The following ALDH2 variants were observed in gnomAD, a reference collection of about 807,000 sequenced individuals.
ALDH2 encodes the protein aldehyde dehydrogenase, mitochondrial.
In ALDH2, 44 loss-of-function variants were observed where a neutral mutation model predicts 59.6. The ratio of observed to expected loss-of-function variants is 0.74; its 90% CI spans 0.58 to 0.95. ALDH2 has a LOEUF of 0.95. Ranked by LOEUF, ALDH2 falls within the 40% of genes least tolerant of loss-of-function variation. The pLI, the probability that ALDH2 is intolerant of heterozygous loss-of-function variation, is 0.00. For synonymous variants in ALDH2, 291 were observed against 284.0 expected (o/e 1.02, Z -0.25); for missense variants, 570 against 696.3 (o/e 0.82, Z 2.04).
In ALDH2 at chr12:111,815,282, C is replaced by G. The variant is rs1484263019; in HGVS notation, c.*5707C>G. 6.6e-6 allele frequency: 1 copy of G among 152,192 alleles called. No homozygotes were observed. The highest frequency in any genetic ancestry group is 1.5e-5 in the Non-Finnish European group (1 of 68,058). 9.4% of individuals were successfully genotyped at this position (152,192 alleles called of 1,614,324 possible). On this transcript the variant is annotated 3_prime_UTR_variant, in exon 13 of 13. Coordinates refer to ENST00000261733, the MANE Select transcript of ALDH2 (RefSeq NM_000690.4). Reference sequence around the variant, plus strand: ...CTGGAGTGCAGTGGTGCGATCATAGCTCACTGCAGCCTCTACCTCCTAGGC... The same window carrying G: ...CTGGAGTGCAGTGGTGCGATCATAGGTCACTGCAGCCTCTACCTCCTAGGC...
intron 10 of ALDH2, among the ~76,000 whole-genome samples, chr12:111,799,267 C>T (rs1449946832): frequency 2.0e-5 from 3 of 151,618 alleles, no homozygotes; most frequent in South Asian, 2.1e-4. Context: ...CGGGTTCAAG[C>T]GATTCTCCTG....
Position 111,784,298 on chromosome 12 carries a change from A to G in ALDH2, c.361-969A>G, listed in dbSNP as rs978789907. On this transcript the variant is annotated intron_variant, in intron 3 of 12. Coordinates refer to ENST00000261733, the MANE Select transcript of ALDH2 (RefSeq NM_000690.4). ...CACTGCGCTCCAGCCTGGGCAACAGAGTCAGATCCTGTCTCAAAAAAAAAA... is the reference window on the plus strand; with the variant it reads ...CACTGCGCTCCAGCCTGGGCAACAGGGTCAGATCCTGTCTCAAAAAAAAAA... Among the ~76,000 whole-genome samples, 4 of 152,196 alleles carry G rather than the reference A, an allele frequency of 2.6e-5. No individual in the cohort carries two copies. In the South Asian group the frequency reaches 8.3e-4, roughly 32 times the overall value.
rs2068545519 is a variant in ALDH2, at chr12:111,812,895, A to C, written c.*3320A>C. On this transcript the variant is annotated 3_prime_UTR_variant, in exon 13 of 13. Transcript: ENST00000261733. ...CTGAAAAAAACACAAAAAACAAGAA[A>C]AGAATACTGCAAAGAACCTTGGTAG... 6.6e-6 allele frequency: 1 copy of C among 152,152 alleles called. No homozygotes were observed. The highest frequency in any genetic ancestry group is 2.4e-5 in the African/African-American group (1 of 41,416). The allele number at this position is 152,152 out of a possible 1,614,324, so 9.4% of individuals were successfully genotyped here.
intron 5 of ALDH2, among the ~76,000 whole-genome samples, 179 bp from the exon 6 acceptor site, chr12:111,790,255 G>T (rs1469981844): frequency 6.6e-6 from 1 of 152,190 alleles, no homozygotes; most frequent in East Asian, 1.9e-4. Context: ...GTCTGTCATC[G>T]TTGTGCACCG....
chr12:111,796,541 G>A (rs777968505), intron 9 of ALDH2, among the ~76,000 whole-genome samples: 2 of 151,956 alleles, frequency 1.3e-5, no homozygotes, highest in Non-Finnish European at 2.9e-5. Context: ...ATAAGACTTT[G>A]TTGCATTTCT....
intron 1 of ALDH2, among the ~76,000 whole-genome samples, chr12:111,772,640 C>CGT (rs2068208378): frequency 6.8e-6 from 1 of 147,432 alleles, no homozygotes. Context: ...GGATTACAGG[C>CGT]GTGAGCCACT....
In ALDH2 at chr12:111,781,995, C is replaced by A. The variant is rs946402945; in HGVS notation, c.192C>A (p.Val64=). 50 of 1,613,798 alleles carry A rather than the reference C, an allele frequency of 3.1e-5. No individual in the cohort carries two copies. The highest frequency in any genetic ancestry group is 4.2e-5 in the Non-Finnish European group (49 of 1,179,844). Reference sequence around the variant, plus strand: ...CCGTCAATCCGTCCACTGGAGAGGTCATCTGTCAGGTAGCTGAAGGGGACA... The same window carrying A: ...CCGTCAATCCGTCCACTGGAGAGGTAATCTGTCAGGTAGCTGAAGGGGACA... ...FPTVNPSTGE[V]ICQVAEGDKE... The change falls in exon 2 of 13, where the codon GTC becomes GTA. Residue 64 remains valine, a synonymous_variant. Coordinates refer to ENST00000261733, the MANE Select transcript of ALDH2 (RefSeq NM_000690.4).
At chr12:111,778,539 TTGTCTAAA>T (rs1380151213) in intron 1 of ALDH2, among the ~76,000 whole-genome samples, 23 of 145,020 alleles carry the variant, frequency 1.6e-4, no homozygotes, top group African/African-American at 5.9e-4. Flanking sequence ...GAGCCAGACT[TTGTCTAAA>T]AAAAAAGAAA....
At chr12:111,792,302 G>C (rs1027381638) in intron 8 of ALDH2, 139 bp downstream of exon 8, 1 of 737,002 alleles carries the variant, frequency 1.4e-6, no homozygotes, top group Non-Finnish European at 2.2e-6. Context: ...AGACGCCAGC[G>C]CAGGGCCTGC....
Position 111,803,498 on chromosome 12 carries a change from G to T in ALDH2, c.1407-361G>T, listed in dbSNP as rs547105889. Among the ~76,000 whole-genome samples, 296 of 152,062 alleles carry T rather than the reference G, an allele frequency of 1.9e-3. 1 individual carries two copies. Among genetic ancestry groups the T allele is most frequent in the Non-Finnish European group, 3.4e-3 (233 of 67,984 alleles). On this transcript the variant is annotated intron_variant, in intron 11 of 12. Transcript: ENST00000261733. ...CACATACTTGTTATCTTAACTACTT[G>T]GGAGGCTGAGGCAGGAGGATCACTG...
intron 9 of ALDH2, among the ~76,000 whole-genome samples, 194 bp from the exon 10 acceptor site, chr12:111,797,884 C>T (rs1438666522): frequency 6.6e-6 from 1 of 152,162 alleles, no homozygotes; most frequent in African/African-American, 2.4e-5. Context: ...ATGTCCTTTT[C>T]TCCGGTAGGC....
intron 2 of ALDH2, 80 bp downstream of exon 2, chr12:111,782,102 CAT>C: frequency 9.3e-7 from 1 of 1,080,840 alleles, no homozygotes; most frequent in South Asian, 1.3e-5. Context: ...AAAGCTTTAC[CAT>C]ATATGTGTAT....
chr12:111,806,295 C>T (rs1290683020), intron 12 of ALDH2, among the ~76,000 whole-genome samples: 2 of 149,334 alleles, frequency 1.3e-5, no homozygotes, highest in African/African-American at 2.5e-5. Context: ...CCAGCCTGGG[C>T]GACAGAGCGA....
intron 4 of ALDH2, among the ~76,000 whole-genome samples, chr12:111,786,235 G>GATT (rs1478598330): frequency 1.3e-5 from 2 of 151,966 alleles, no homozygotes; most frequent in African/African-American, 2.4e-5. Context: ...TTGATTGATT[G>GATT]ATTATTATTA....
In ALDH2 at chr12:111,811,432, C is replaced by A. The variant is rs945454672; in HGVS notation, c.*1857C>A. 2 of 151,978 alleles carry A rather than the reference C, an allele frequency of 1.3e-5. No homozygotes were observed. Among genetic ancestry groups the A allele is most frequent in the Non-Finnish European group, 2.9e-5 (2 of 68,004 alleles). The allele number at this position is 151,978 out of a possible 1,614,324, so 9.4% of individuals were successfully genotyped here. ...GCAGTCTCTACCATCATGTGAAACA[C>A]CACTCTGTGATTTGAGTCTTGACAA... On this transcript the variant is annotated 3_prime_UTR_variant, in exon 13 of 13. Transcript: ENST00000261733.
intron 1 of ALDH2, among the ~76,000 whole-genome samples, chr12:111,768,390 C>G (rs540582027): frequency 5.9e-5 from 9 of 152,220 alleles, no homozygotes; most frequent in Non-Finnish European, 8.8e-5. Flanking sequence ...AAGGCACATG[C>G]GTGTGATTTT....
Position 111,800,059 on chromosome 12 carries a change from G to A in ALDH2, c.1402G>A (p.Val468Met). The A allele has an allele frequency of 6.2e-7, 1 of 1,611,342 alleles. No individual in the cohort carries two copies. The highest frequency in any genetic ancestry group is 8.5e-7 in the Non-Finnish European group (1 of 1,179,110). The stretch of plus-strand genomic sequence containing the variant: ...GTCCCAGGCCCTCCAGGCGGGCACT[G>A]TGTGGTAAGAGCCTCCCAGCAGCCC... ...YLSQALQAGT[V>M]WVNCYDVFGA... Residue 468 changes from valine to methionine, a missense_variant, in exon 11 of 13, where the codon GTG (valine) becomes ATG (methionine). Physicochemically the swap from Val to Met is conservative, Grantham distance 21 (BLOSUM62 1). Transcript: ENST00000261733.
intron 3 of ALDH2, among the ~76,000 whole-genome samples, chr12:111,784,795 A>G (rs1003185181): frequency 6.6e-6 from 1 of 151,890 alleles, no homozygotes; most frequent in Non-Finnish European, 1.5e-5. Context: ...TGTATTTTTG[A>G]TAAAGTCAAG....
In ALDH2 at chr12:111,816,366, C is replaced by T. The variant is rs529748746; in HGVS notation, c.*6791C>T. 6.6e-6 allele frequency: 1 copy of T among 152,328 alleles called. No individual in the cohort carries two copies. The highest frequency in any genetic ancestry group is 1.5e-5 in the Non-Finnish European group (1 of 68,066). 9.4% of individuals were successfully genotyped at this position (152,328 alleles called of 1,614,324 possible). A position where few individuals can be genotyped will look rare whatever the true frequency, so the allele number is the denominator to read the frequency against. On this transcript the variant is annotated 3_prime_UTR_variant, in exon 13 of 13. Transcript: ENST00000261733. Reference sequence around the variant, plus strand: ...GGTTGTCGGTCAGCAGCTTGATTCACAGCAGGCTCACAAGATTGCATTCTT... The same window carrying T: ...GGTTGTCGGTCAGCAGCTTGATTCATAGCAGGCTCACAAGATTGCATTCTT...
Sources: gnomAD v4.1 joint callset for allele counts (sites outside exome capture counted in the v4.1 genomes callset) on GRCh38, gnomAD v4.1.1 for gene constraint, MANE v1.5 for transcripts, NCBI Gene and HGNC (gene_info 2026-07-23, HGNC 2026-07-21) for gene names.